LAMA2: variants seen among roughly 807,000 people sequenced by gnomAD.
LAMA2 encodes laminin subunit alpha 2, also known as laminin subunit alpha-2.
A neutral mutation model predicts 364.8 loss-of-function variants in LAMA2; 269 were observed. The observed-to-expected ratio is 0.74, with a 90% CI of 0.67 to 0.82. LAMA2 has a LOEUF of 0.82. Among genes scored for constraint, LAMA2 ranks in the 40% least tolerant of loss-of-function variants. The pLI is 0.00. For synonymous variants in LAMA2, 1,379 were observed against 1,370.6 expected (o/e 1.01, Z -0.14); for missense variants, 3,807 against 3,873.2 (o/e 0.98, Z 0.45).
rs1774330920 is a variant in LAMA2, at chr6:129,313,037, C to T, written c.3351C>T (p.Thr1117=). The change falls in exon 23 of 65, where the codon ACC becomes ACT. Residue 1117 remains threonine, a synonymous_variant. Coordinates refer to ENST00000421865, the MANE Select transcript of LAMA2 (RefSeq NM_000426.4). ...TCCTCCCTGGGACAGATGCCACAAC[C>T]TGTGATTCAGAGACTAAAAAATGCT... is the stretch of plus-strand genomic sequence containing the variant. ...DCFLPGTDAT[T]CDSETKKCSC... 1 of 1,614,030 alleles carries T rather than the reference C, an allele frequency of 6.2e-7. No individual in the cohort carries two copies. Among genetic ancestry groups the T allele is most frequent in the Non-Finnish European group, 8.5e-7 (1 of 1,179,986 alleles).
intron 3 of LAMA2, among the ~76,000 whole-genome samples, chr6:129,071,026 G>A (rs187637600): frequency 3.9e-5 from 6 of 152,190 alleles, no homozygotes; most frequent in Admixed American, 2.6e-4. Flanking sequence ...ATTCTAACTT[G>A]TATTCACCAG....
intron 3 of LAMA2, among the ~76,000 whole-genome samples, chr6:129,094,592 G>T (rs1775059281): frequency 6.6e-6 from 1 of 152,148 alleles, no homozygotes; most frequent in South Asian, 2.1e-4. Context: ...TCTAAGCAAA[G>T]TTCTTTATCC....
chr6:129,066,038 G>GTTT (rs544271722), intron 3 of LAMA2, among the ~76,000 whole-genome samples: 1,485 of 36,936 alleles, frequency 0.04, 111 homozygotes, highest in African/African-American at 0.045. Context: ...CCAGTCTCAG[G>GTTT]TTTTTTTTTT....
At chr6:128,955,887 A>G (rs1237427241) in intron 1 of LAMA2, among the ~76,000 whole-genome samples, 1 of 151,744 alleles carries the variant, frequency 6.6e-6, no homozygotes, top group African/African-American at 2.4e-5. Context: ...GGGTGTAGGT[A>G]GGGTGGTTGA....
intron 12 of LAMA2, among the ~76,000 whole-genome samples, chr6:129,226,304 TC>T: frequency 6.6e-6 from 1 of 152,306 alleles, no homozygotes; most frequent in African/African-American, 2.4e-5. Flanking sequence ...CCAGTCTGTG[TC>T]TTTTAATTAG....
chr6:129,007,758 T>C lies in LAMA2; in HGVS notation c.113-42160T>C, dbSNP rs187002093. Among the ~76,000 whole-genome samples the C allele has an allele frequency of 4.2e-4, 64 of 152,344 alleles. 1 individual carries two copies. The East Asian group carries it at 0.01, about 24-fold the overall frequency. On this transcript the variant is annotated intron_variant, in intron 1 of 64. Transcript: ENST00000421865. The stretch of plus-strand genomic sequence containing the variant: ...TTACTCCATTTTAGGCTGCCATTTT[T>C]TTCCTAAGAGCTGTTATACATTGAG...
chr6:129,502,088 T>G (rs1463191649), intron 58 of LAMA2, among the ~76,000 whole-genome samples: 1 of 152,224 alleles, frequency 6.6e-6, no homozygotes, highest in African/African-American at 2.4e-5. Context: ...GGTTACATTT[T>G]TAAAATGTGC....
At chr6:129,489,372 G>A (rs1014711556) in intron 56 of LAMA2, among the ~76,000 whole-genome samples, 1 of 152,034 alleles carries the variant, frequency 6.6e-6, no homozygotes, top group Non-Finnish European at 1.5e-5. Context: ...CCCTTCATCT[G>A]GAAAAATCTC....
chr6:128,888,601 C>G (rs746828385), intron 1 of LAMA2, among the ~76,000 whole-genome samples: 2 of 152,044 alleles, frequency 1.3e-5, no homozygotes, highest in South Asian at 2.1e-4. Context: ...TTGGCAAACA[C>G]TTGAAGATGA....
intron 9 of LAMA2, among the ~76,000 whole-genome samples, chr6:129,166,167 C>A (rs1315463747): frequency 6.6e-6 from 1 of 152,112 alleles, no homozygotes; most frequent in Admixed American, 6.6e-5. Flanking sequence ...AGGTAGTAGT[C>A]ATGAATTAAT....
intron 10 of LAMA2, among the ~76,000 whole-genome samples, chr6:129,181,097 C>T (rs899558693): frequency 1.3e-5 from 2 of 152,018 alleles, no homozygotes; most frequent in Admixed American, 6.6e-5. Context: ...TGTGTAGGAC[C>T]GAATCCCCAA....
chr6:129,098,334 T>A lies in LAMA2; in HGVS notation c.558T>A (p.Thr186=). Residue 186 remains threonine (T), a synonymous_variant, in exon 4 of 65, where the codon ACT becomes ACA. Transcript: ENST00000421865. ...CGCTTTACAATATTTATCCCCGCAC[T>A]GGGCCACCGTCATATGCCAAAGATG... The part of the protein sequence containing the change: ...CLTLYNIYPR[T]GPPSYAKDDE... The A allele has an allele frequency of 6.2e-7, 1 of 1,614,050 alleles. No individual in the cohort carries two copies. The highest frequency in any genetic ancestry group is 8.5e-7 in the Non-Finnish European group (1 of 1,179,958).
In LAMA2 at chr6:129,165,250, T is replaced by C. The variant is rs143380460; in HGVS notation, c.1207-326T>C. 9.4e-3 allele frequency among the ~76,000 whole-genome samples: 1,425 copies of C among 152,032 alleles called. 28 individuals are homozygous for C. The highest frequency in any genetic ancestry group is 0.033 in the African/African-American group (1,378 of 41,510). ...TTGTATATACAGTATATGAACACAG[T>C]GTAGTTTTGTTTAAGTAAACTAGCT... On this transcript the variant is annotated intron_variant, in intron 8 of 64. Coordinates refer to ENST00000421865, the MANE Select transcript of LAMA2 (RefSeq NM_000426.4).
chr6:129,268,357 G>A (rs1042672076), intron 16 of LAMA2, among the ~76,000 whole-genome samples: 1 of 150,218 alleles, frequency 6.7e-6, no homozygotes, highest in Non-Finnish European at 1.5e-5. Flanking sequence ...AAAATATTGG[G>A]TTACCTTTAA....
intron 1 of LAMA2, among the ~76,000 whole-genome samples, chr6:128,946,580 C>T (rs1009027543): frequency 1.8e-4 from 27 of 152,198 alleles, no homozygotes; most frequent in African/African-American, 6.5e-4. Flanking sequence ...GTTCAACCGT[C>T]ATAAATTGAT....
intron 12 of LAMA2, among the ~76,000 whole-genome samples, chr6:129,196,071 AT>A (rs1781829944): frequency 6.6e-6 from 1 of 152,052 alleles, no homozygotes. Flanking sequence ...ATCTTATGTG[AT>A]TTGTTCTTTA....
chr6:129,443,552 G>A (rs936802327), intron 44 of LAMA2, among the ~76,000 whole-genome samples: 11 of 152,156 alleles, frequency 7.2e-5, no homozygotes, highest in African/African-American at 2.4e-4. Flanking sequence ...TGACTTAATT[G>A]CAAGAGGATT....
At chr6:129,314,578 C>G (rs1215656156) in intron 23 of LAMA2, 77 bp from the exon 24 acceptor site, 1 of 1,346,078 alleles carries the variant, frequency 7.4e-7, no homozygotes, top group Non-Finnish European at 1.1e-6. Context: ...AGAGTATGCT[C>G]CCGTTATGCA....
intron 29 of LAMA2, among the ~76,000 whole-genome samples, chr6:129,335,204 A>G (rs1336255562): frequency 6.6e-6 from 1 of 152,174 alleles, no homozygotes; most frequent in African/African-American, 2.4e-5. Context: ...AATCCTGTAC[A>G]TAGGCATGTT....
Sources: allele counts gnomAD v4.1 joint callset (sites outside exome capture counted in the v4.1 genomes callset), GRCh38; gene constraint gnomAD v4.1.1; transcripts MANE v1.5; gene names NCBI Gene and HGNC (gene_info 2026-07-23, HGNC 2026-07-21).